The following TOM1L2 variants were observed in gnomAD, a reference collection of about 807,000 sequenced individuals.
The protein encoded by TOM1L2 is TOM1-like protein 2.
In TOM1L2, 31 loss-of-function variants were observed where a neutral mutation model predicts 67.9. The observed-to-expected ratio is 0.46, with a 90% CI of 0.34 to 0.62. The LOEUF is 0.62. Among genes scored for constraint, TOM1L2 ranks in the 20% least tolerant of loss-of-function variants. TOM1L2 has a pLI of 0.01. For synonymous variants in TOM1L2, 256 were observed against 254.0 expected (o/e 1.01, Z -0.07); for missense variants, 606 against 663.5 (o/e 0.91, Z 0.95).
chr17:17,895,882 C>T lies in TOM1L2; in HGVS notation c.217-2072G>A, dbSNP rs201832403. On this transcript the variant is annotated intron_variant, in intron 3 of 14. Transcript: ENST00000379504. Reference sequence around the variant, plus strand: ...GATCAGAGGTACCATGTAACTTAACCTAGGAGGCCAAAGCTGGGACTCCCC... The same window carrying T: ...GATCAGAGGTACCATGTAACTTAACTTAGGAGGCCAAAGCTGGGACTCCCC... Among the ~76,000 whole-genome samples, 65 of 152,294 alleles carry T rather than the reference C, an allele frequency of 4.3e-4. No individual in the cohort carries two copies. In the East Asian group the frequency reaches 0.011, roughly 27 times the overall value.
chr17:17,968,482 T>C (rs2041946629), intron 1 of TOM1L2, among the ~76,000 whole-genome samples: 1 of 152,026 alleles, frequency 6.6e-6, no homozygotes, highest in South Asian at 2.1e-4. Context: ...CTGGCCAAGG[T>C]AGTGAAACCT....
At chr17:17,971,257 T>C (rs1487804125) in intron 1 of TOM1L2, among the ~76,000 whole-genome samples, 1 of 152,140 alleles carries the variant, frequency 6.6e-6, no homozygotes, top group Non-Finnish European at 1.5e-5. Context: ...AAGGGATCTA[T>C]CACATCTCAT....
chr17:17,884,614 A>C lies in TOM1L2; in HGVS notation c.501+20T>G. On this transcript the variant is annotated intron_variant, in intron 5 of 14. Coordinates refer to ENST00000379504, the MANE Select transcript of TOM1L2 (RefSeq NM_001082968.2). ...CGTTCTGCAGTAGGTCTTTCTAGAA[A>C]GTGCCAGCTGGAAGCTTACCCGCTG... is the stretch of plus-strand genomic sequence containing the variant. 1.2e-6 allele frequency: 2 copies of C among 1,613,722 alleles called. No homozygotes were observed. The highest frequency in any genetic ancestry group is 2.2e-5 in the East Asian group (1 of 44,890).
intron 1 of TOM1L2, among the ~76,000 whole-genome samples, chr17:17,937,369 T>C (rs1461353164): frequency 6.6e-6 from 1 of 152,180 alleles, no homozygotes; most frequent in African/African-American, 2.4e-5. Flanking sequence ...TGTGCCAATA[T>C]CCACCCCTGA....
At chr17:17,906,391 G>A (rs1285634290) in intron 2 of TOM1L2, among the ~76,000 whole-genome samples, 4 of 151,816 alleles carry the variant, frequency 2.6e-5, no homozygotes, top group African/African-American at 9.7e-5. Context: ...GGCCTCCCAA[G>A]GTGCTAGGAT....
chr17:17,876,674 G>A lies in TOM1L2; in HGVS notation c.777+2953C>T, dbSNP rs180892119. 1.7e-3 allele frequency among the ~76,000 whole-genome samples: 253 copies of A among 152,350 alleles called. 2 individuals are homozygous for A. The highest frequency in any genetic ancestry group is 2.1e-3 in the Non-Finnish European group (140 of 68,040). On this transcript the variant is annotated intron_variant, in intron 7 of 14. Coordinates refer to ENST00000379504, the MANE Select transcript of TOM1L2 (RefSeq NM_001082968.2). The stretch of plus-strand genomic sequence containing the variant: ...AGGTGCAAGTGATCACTCCAGTCTA[G>A]AGAGGAGAAGGGGGCCTGGAGACGG...
Position 17,862,820 on chromosome 17 carries a change from G to A in TOM1L2, c.1113C>T (p.Thr371=). ...GATTACATTGCTGGAGTGAACTGAG[G>A]GTGCCACTGACGCTCTCTGTCCCCA... ...LDLGTESVSG[T]LSSLQQCNPR... The change falls in exon 11 of 15, where the codon ACC becomes ACT. Residue 371 remains threonine (T), a synonymous_variant. Transcript: ENST00000379504. 1 of 1,614,148 alleles carries A rather than the reference G, an allele frequency of 6.2e-7. No homozygotes were observed.
chr17:17,874,975 G>A (rs1234620668), intron 7 of TOM1L2, among the ~76,000 whole-genome samples: 1 of 152,310 alleles, frequency 6.6e-6, no homozygotes, highest in Non-Finnish European at 1.5e-5. Flanking sequence ...AGGAAGAAAA[G>A]GCCATGCGTG....
intron 9 of TOM1L2, among the ~76,000 whole-genome samples, 162 bp downstream of exon 9, chr17:17,866,714 G>A (rs2036867303): frequency 6.6e-6 from 1 of 152,190 alleles, no homozygotes; most frequent in Non-Finnish European, 1.5e-5. Context: ...CATCAGGGGT[G>A]CCTGCTAGCT....
intron 13 of TOM1L2, among the ~76,000 whole-genome samples, chr17:17,850,334 T>C (rs2035888634): frequency 6.6e-6 from 1 of 152,104 alleles, no homozygotes; most frequent in Non-Finnish European, 1.5e-5. Context: ...TTCAGATGCA[T>C]AGTATCCTCA....
intron 2 of TOM1L2, among the ~76,000 whole-genome samples, chr17:17,899,714 G>C (rs2038751843): frequency 6.6e-6 from 1 of 152,240 alleles, no homozygotes. Flanking sequence ...CCAGCGCTTT[G>C]CAATCACACA....
intron 2 of TOM1L2, among the ~76,000 whole-genome samples, chr17:17,901,538 A>G (rs2038857035): frequency 6.6e-6 from 1 of 152,184 alleles, no homozygotes; most frequent in East Asian, 1.9e-4. Context: ...CTCCAGCCAC[A>G]GCCTTTGTAT....
At chr17:17,876,849 G>A (rs747279229) in intron 7 of TOM1L2, among the ~76,000 whole-genome samples, 1 of 152,358 alleles carries the variant, frequency 6.6e-6, no homozygotes, top group Non-Finnish European at 1.5e-5. Context: ...GGGCTGCTGT[G>A]AACAGCCTGT....
At chr17:17,937,258 C>T (rs772399187) in intron 1 of TOM1L2, among the ~76,000 whole-genome samples, 6 of 152,200 alleles carry the variant, frequency 3.9e-5, no homozygotes, top group Non-Finnish European at 5.9e-5. Flanking sequence ...TTCCCTCCTC[C>T]GGTTTTGTAA....
rs527880954 is a variant in TOM1L2, at chr17:17,892,742, G to A, written c.366+919C>T. 3.0e-4 allele frequency among the ~76,000 whole-genome samples: 46 copies of A among 151,804 alleles called. 1 individual carries two copies. Among genetic ancestry groups the A allele is most frequent in the African/African-American group, 1.0e-3 (43 of 41,372 alleles). On this transcript the variant is annotated intron_variant, in intron 4 of 14. Transcript: ENST00000379504. Reference sequence around the variant, plus strand: ...GATGGAGTTTATTTCCCCTACTCTTGAGGCTAGGCCTGGTGACTCCCTTCT... The same window carrying A: ...GATGGAGTTTATTTCCCCTACTCTTAAGGCTAGGCCTGGTGACTCCCTTCT...
chr17:17,867,612 G>T (rs2036929211), intron 8 of TOM1L2, among the ~76,000 whole-genome samples: 1 of 152,212 alleles, frequency 6.6e-6, no homozygotes, highest in Non-Finnish European at 1.5e-5. Context: ...GGGCAGAATA[G>T]ATTATGTTCT....
rs528741251 is a variant in TOM1L2 at position 17,865,860 on chromosome 17, G to A, written c.1084+436C>T. Among the ~76,000 whole-genome samples the A allele has an allele frequency of 1.1e-4, 16 of 148,570 alleles. No individual in the cohort carries two copies. In the South Asian group the frequency reaches 2.8e-3, roughly 26 times the overall value. On this transcript the variant is annotated intron_variant, in intron 10 of 14. Transcript: ENST00000379504. ...CCCAGGCTCAAGTGATTCTCCTGCC[G>A]CAGCCTCCCGAGTAGTTGGGATTGC...
At chr17:17,870,130 G>A (rs1240552373) in intron 7 of TOM1L2, among the ~76,000 whole-genome samples, 1 of 152,132 alleles carries the variant, frequency 6.6e-6, no homozygotes, top group Non-Finnish European at 1.5e-5. Flanking sequence ...ACTGCATTAG[G>A]TATATTTTGG....
chr17:17,935,018 C>T (rs2040466460), intron 1 of TOM1L2, among the ~76,000 whole-genome samples: 1 of 152,218 alleles, frequency 6.6e-6, no homozygotes, highest in South Asian at 2.1e-4. Flanking sequence ...GCACTGCATA[C>T]AAAGCCAGCC....
Sources: allele counts gnomAD v4.1 joint callset (sites outside exome capture counted in the v4.1 genomes callset), GRCh38; gene constraint gnomAD v4.1.1; transcripts MANE v1.5; gene names NCBI Gene and HGNC (gene_info 2026-07-23, HGNC 2026-07-21).